Variants in CCBE1 observed in about 807,000 individuals in gnomAD.
CCBE1 encodes collagen and calcium-binding EGF domain-containing protein 1.
CCBE1 carries 37 observed loss-of-function variants against 50.0 expected under a neutral mutation model. The observed-to-expected ratio is 0.74, with a 90% CI of 0.57 to 0.97. The LOEUF is 0.97. Among genes scored for constraint, CCBE1 ranks in the 50% least tolerant of loss-of-function variants. The probability of loss-of-function intolerance (pLI) is 0.00; values close to 1 mark genes in which losing one functional copy is unlikely to be tolerated. For synonymous variants in CCBE1, 234 were observed against 203.7 expected (o/e 1.15, Z -1.27); for missense variants, 538 against 523.8 (o/e 1.03, Z -0.26).
At chr18:59,694,492 C>T (rs757341751) in intron 2 of CCBE1, among the ~76,000 whole-genome samples, 11 of 152,188 alleles carry the variant, frequency 7.2e-5, no homozygotes, top group Non-Finnish European at 1.5e-4. Context: ...GGTCTGCATG[C>T]GTCCTGGGGA....
chr18:59,690,853 TG>T (rs2054720920), intron 2 of CCBE1, among the ~76,000 whole-genome samples: 1 of 152,240 alleles, frequency 6.6e-6, no homozygotes, highest in African/African-American at 2.4e-5. Context: ...CCAGTGTCTG[TG>T]GCACAATTAA....
intron 2 of CCBE1, among the ~76,000 whole-genome samples, chr18:59,559,574 C>G (rs2052705435): frequency 6.6e-6 from 1 of 152,230 alleles, no homozygotes; most frequent in Non-Finnish European, 1.5e-5. Flanking sequence ...ATACCTGTTA[C>G]AGCTGGCGGA....
chr18:59,470,614 C>T (rs2851847), intron 3 of CCBE1, among the ~76,000 whole-genome samples: 64,022 of 151,588 alleles, frequency 0.42, 13,707 homozygotes, highest in South Asian at 0.51. Flanking sequence ...CACTGCTACT[C>T]ATAAAGAATT....
In CCBE1 at chr18:59,647,985, G is replaced by C. The variant is rs532960222; in HGVS notation, c.212+48644C>G. On this transcript the variant is annotated intron_variant, in intron 2 of 10. Transcript: ENST00000439986. Reference sequence around the variant, plus strand: ...ATACTGTCTTCTCCAGTCTATCTCAGAGAGCTACCATATGTGAACAAATCC... The same window carrying C: ...ATACTGTCTTCTCCAGTCTATCTCACAGAGCTACCATATGTGAACAAATCC... Among the ~76,000 whole-genome samples, 95 of 152,222 alleles carry C rather than the reference G, an allele frequency of 6.2e-4. 1 individual carries two copies. The highest frequency in any genetic ancestry group is 1.1e-3 in the Non-Finnish European group (75 of 68,032).
chr18:59,693,849 T>C (rs568503312), intron 2 of CCBE1, among the ~76,000 whole-genome samples: 164 of 150,240 alleles, frequency 1.1e-3, no homozygotes, highest in African/African-American at 3.3e-3. Flanking sequence ...AGAATATTTC[T>C]TGTTAAAGGA....
chr18:59,655,252 G>T (rs1165068456), intron 2 of CCBE1, among the ~76,000 whole-genome samples: 1 of 152,162 alleles, frequency 6.6e-6, no homozygotes, highest in Non-Finnish European at 1.5e-5. Flanking sequence ...GATAATGTTG[G>T]TTTGTGACTG....
chr18:59,654,123 C>T (rs2054158068), intron 2 of CCBE1, among the ~76,000 whole-genome samples: 3 of 152,166 alleles, frequency 2.0e-5, no homozygotes, highest in South Asian at 2.1e-4. Flanking sequence ...TGGCCAAGTA[C>T]TGATGGGATA....
At chr18:59,488,836 G>T (rs1419862323) in intron 2 of CCBE1, among the ~76,000 whole-genome samples, 2 of 152,200 alleles carry the variant, frequency 1.3e-5, no homozygotes, top group Admixed American at 1.3e-4. Flanking sequence ...AAGCCCAACA[G>T]CACATGTAAA....
At chr18:59,657,373 G>C (rs1018376858) in intron 2 of CCBE1, among the ~76,000 whole-genome samples, 1 of 152,196 alleles carries the variant, frequency 6.6e-6, no homozygotes, top group African/African-American at 2.4e-5. Flanking sequence ...AAGGGAGAAG[G>C]GAGGAGAGTA....
At chr18:59,569,382 A>T (rs2052874229) in intron 2 of CCBE1, among the ~76,000 whole-genome samples, 1 of 152,372 alleles carries the variant, frequency 6.6e-6, no homozygotes, top group East Asian at 1.9e-4. Context: ...ATTAGATTTC[A>T]GATGCCATGA....
At chr18:59,543,828 C>A (rs1229287355) in intron 2 of CCBE1, among the ~76,000 whole-genome samples, 4 of 97,996 alleles carry the variant, frequency 4.1e-5, no homozygotes, top group Non-Finnish European at 5.6e-5. Context: ...GAGCGAGACT[C>A]CGTCTCAAAA....
intron 5 of CCBE1, among the ~76,000 whole-genome samples, chr18:59,462,921 G>T (rs1036339974): frequency 1.3e-5 from 2 of 152,078 alleles, no homozygotes; most frequent in Non-Finnish European, 2.9e-5. Context: ...TACTAGAGAA[G>T]ATACCAAAAA....
intron 6 of CCBE1, among the ~76,000 whole-genome samples, chr18:59,450,775 T>TC (rs1235663187): frequency 6.6e-6 from 1 of 152,202 alleles, no homozygotes; most frequent in Non-Finnish European, 1.5e-5. Flanking sequence ...CCTCAAGTGA[T>TC]CCGCCCGCCT....
rs572704431 is a variant in CCBE1, at chr18:59,678,443, T to C, written c.212+18186A>G. Reference sequence around the variant, plus strand: ...CTGAATAGGTAAAATGTTGAAAATGTCCATGAAGACTAGATATCAGAATAT... The same window carrying C: ...CTGAATAGGTAAAATGTTGAAAATGCCCATGAAGACTAGATATCAGAATAT... On this transcript the variant is annotated intron_variant, in intron 2 of 10. Coordinates refer to ENST00000439986, the MANE Select transcript of CCBE1 (RefSeq NM_133459.4). Among the ~76,000 whole-genome samples, 79 of 152,282 alleles carry C rather than the reference T, an allele frequency of 5.2e-4. No individual in the cohort carries two copies. In the South Asian group the frequency reaches 0.016, roughly 31 times the overall value.
chr18:59,645,325 C>T, intron 2 of CCBE1, among the ~76,000 whole-genome samples: 1 of 152,224 alleles, frequency 6.6e-6, no homozygotes, highest in East Asian at 1.9e-4. Flanking sequence ...CTTCTGAAAA[C>T]CAGCACTTTA....
rs778167686 is a variant in CCBE1 at position 59,658,320 on chromosome 18, C to CT, written c.212+38308dup. 1.5e-3 allele frequency among the ~76,000 whole-genome samples: 10 copies of CT among 6,634 alleles called. 3 individuals carry two copies. Among genetic ancestry groups the CT allele is most frequent in the African/African-American group, 3.2e-3 (5 of 1,580 alleles). The allele number at this position is 6,634 out of a possible 152,430, so 4.4% of individuals were successfully genotyped here. ...TGAGCAACATAGCAAGACCCTGTCTCTAAAAAAAAAAAAAAAAAAAAAAAA... is the reference window on the plus strand; with the variant it reads ...TGAGCAACATAGCAAGACCCTGTCTCTTAAAAAAAAAAAAAAAAAAAAAAAA... On this transcript the variant is annotated intron_variant, in intron 2 of 10. Coordinates refer to ENST00000439986, the MANE Select transcript of CCBE1 (RefSeq NM_133459.4).
rs574645831 is a variant in CCBE1, at chr18:59,467,843, C to T, written c.401-952G>A. ...CTGCCAGTGACTCAGTCCCTGTGTA[C>T]GCTGAGGGGAGGGTGGTCATCTGGA... On this transcript the variant is annotated intron_variant, in intron 4 of 10. Coordinates refer to ENST00000439986, the MANE Select transcript of CCBE1 (RefSeq NM_133459.4). Among the ~76,000 whole-genome samples, 23 of 137,970 alleles carry T rather than the reference C, an allele frequency of 1.7e-4. No individual in the cohort carries two copies. In the East Asian group the frequency reaches 2.6e-3, roughly 16 times the overall value. The allele number at this position is 137,970 out of a possible 152,430, so 90.5% of individuals were successfully genotyped here.
intron 2 of CCBE1, among the ~76,000 whole-genome samples, chr18:59,677,369 G>A (rs1198736485): frequency 6.6e-6 from 1 of 152,214 alleles, no homozygotes; most frequent in East Asian, 1.9e-4. Flanking sequence ...ACTGTGCTGT[G>A]AGTGGGGGCT....
chr18:59,650,430 T>C (rs2054111663), intron 2 of CCBE1, among the ~76,000 whole-genome samples: 1 of 151,294 alleles, frequency 6.6e-6, no homozygotes, highest in South Asian at 2.1e-4. Context: ...TCCCTTCAGC[T>C]TTTCACGATC....
Sources: gnomAD v4.1 joint callset for allele counts (sites outside exome capture counted in the v4.1 genomes callset) on GRCh38, gnomAD v4.1.1 for gene constraint, MANE v1.5 for transcripts, NCBI Gene and HGNC (gene_info 2026-07-23, HGNC 2026-07-21) for gene names.